Variants in CARM1 observed in about 807,000 individuals in gnomAD.
The protein encoded by CARM1 is histone-arginine methyltransferase CARM1.
In CARM1, 14 loss-of-function variants were observed where a neutral mutation model predicts 72.7. The observed-to-expected ratio is 0.19, with a 90% confidence interval of 0.13 to 0.30. The LOEUF is 0.30. CARM1 is among the 10% of genes least tolerant of loss of function. The pLI, the probability that CARM1 is intolerant of heterozygous loss-of-function variation, is 1.00. For missense variants in CARM1, 432 were observed against 833.7 expected, an observed-to-expected ratio of 0.52 and a Z score of 5.93; for synonymous variants, 333 against 345.5, an observed-to-expected ratio of 0.96 and a Z score of 0.40.
intron 1 of CARM1, among the ~76,000 whole-genome samples, chr19:10,883,296 G>T (rs1242242519): frequency 6.6e-6 from 1 of 152,124 alleles, no homozygotes; most frequent in East Asian, 1.9e-4. Flanking sequence ...GTCCAGGTGT[G>T]GGGGTAGGTA....
intron 2 of CARM1, among the ~76,000 whole-genome samples, chr19:10,907,227 G>A (rs2074112466): frequency 1.3e-5 from 2 of 151,944 alleles, no homozygotes; most frequent in African/African-American, 4.8e-5. Context: ...TGTAGAGACA[G>A]GGTCTTGCTA....
chr19:10,883,155 C>T (rs1264601730), intron 1 of CARM1, among the ~76,000 whole-genome samples: 4 of 152,174 alleles, frequency 2.6e-5, no homozygotes, highest in Admixed American at 6.5e-5. Context: ...TCCAGGGAAC[C>T]GTGGTTCTCC....
chr19:10,905,338 T>TG (rs1305190022), intron 2 of CARM1, among the ~76,000 whole-genome samples: 1 of 152,254 alleles, frequency 6.6e-6, no homozygotes, highest in Non-Finnish European at 1.5e-5. Flanking sequence ...AGGCCCATCC[T>TG]GACCACCTGG....
At chr19:10,899,163 G>A (rs1278445882) in intron 1 of CARM1, among the ~76,000 whole-genome samples, 1 of 151,732 alleles carries the variant, frequency 6.6e-6, no homozygotes, top group Non-Finnish European at 1.5e-5. Flanking sequence ...CTGCTGCTGT[G>A]ATGAAGCGAT....
chr19:10,899,033 GTTTTTTTTT>G (rs34563725), intron 1 of CARM1, among the ~76,000 whole-genome samples: 4 of 117,458 alleles, frequency 3.4e-5, no homozygotes, highest in African/African-American at 1.3e-4. Flanking sequence ...GGCTTAGCTT[GTTTTTTTTT>G]TTTTTTTTTT....
At chr19:10,890,959 G>A (rs2073983858) in intron 1 of CARM1, among the ~76,000 whole-genome samples, 1 of 151,652 alleles carries the variant, frequency 6.6e-6, no homozygotes, top group Admixed American at 6.6e-5. Context: ...GGGTGACAGA[G>A]GGAGACCAAA....
chr19:10,890,632 C>CAT (rs970946088), intron 1 of CARM1, among the ~76,000 whole-genome samples: 52 of 149,994 alleles, frequency 3.5e-4, no homozygotes, highest in Non-Finnish European at 7.4e-4. Flanking sequence ...GTTTTATTTA[C>CAT]ATATATATAT....
chr19:10,905,002 G>A lies in CARM1; in HGVS notation c.272G>A (p.Ser91Asn). Residue 91 changes from serine (S) to asparagine (N), a missense_variant, in exon 2 of 16, where the codon AGC becomes AAC. Coordinates refer to ENST00000327064, the MANE Select transcript of CARM1 (RefSeq NM_199141.2). The stretch of plus-strand genomic sequence containing the variant: ...TCAGTGTCCCGAGAGACAGAGTGCA[G>A]CCGTGTGGGCAAGCAGTCCTTCATC... Reference protein sequence around the residue: ...KCSVSRETECSRVGKQSFIIT... With the variant: ...KCSVSRETECNRVGKQSFIIT... 1 of 1,614,206 alleles carries A rather than the reference G, an allele frequency of 6.2e-7. No homozygotes were observed. Among genetic ancestry groups the A allele is most frequent in the Non-Finnish European group, 8.5e-7 (1 of 1,180,014 alleles).
At chr19:10,882,534 CTTTTTTTT>C (rs869046901) in intron 1 of CARM1, among the ~76,000 whole-genome samples, 43 of 85,966 alleles carry the variant, frequency 5.0e-4, no homozygotes, top group South Asian at 4.9e-4. Flanking sequence ...TGCACTCTGT[CTTTTTTTT>C]TTTTTTTTTT....
intron 1 of CARM1, among the ~76,000 whole-genome samples, chr19:10,890,270 T>TTTTTTTTTTTTTTTTG (rs1568348254): frequency 7.4e-6 from 1 of 135,622 alleles, no homozygotes; most frequent in Non-Finnish European, 1.6e-5. Flanking sequence ...GTTTTGTTTG[T>TTTTTTTTTTTTTTTTG]TTTTTTTTTT....
chr19:10,897,461 C>T (rs1247385750), intron 1 of CARM1, among the ~76,000 whole-genome samples: 2 of 152,154 alleles, frequency 1.3e-5, no homozygotes. Flanking sequence ...GAAAGGCTGC[C>T]TCAAAGATGG....
intron 1 of CARM1, among the ~76,000 whole-genome samples, chr19:10,892,199 T>C (rs779403185): frequency 1.3e-5 from 2 of 152,256 alleles, no homozygotes; most frequent in African/African-American, 4.8e-5. Flanking sequence ...TTTTCTGCTT[T>C]GGGGGCATTC....
chr19:10,921,552 G>C lies in CARM1; in HGVS notation c.1685-63G>C, dbSNP rs1386330837. ...TCTTGCCTGCCCTTTCTCTCTCTCT[G>C]TGACTCTGCCTGGGGGCTGGGCGGG... On this transcript the variant is annotated intron_variant, in intron 15 of 15. Transcript: ENST00000327064. The C allele has an allele frequency of 3.8e-6, 6 of 1,576,348 alleles. No homozygotes were observed. The Admixed American group carries it at 5.4e-5, about 14-fold the overall frequency.
chr19:10,910,792 T>C (rs986007631), intron 4 of CARM1, among the ~76,000 whole-genome samples: 2 of 151,916 alleles, frequency 1.3e-5, no homozygotes, highest in African/African-American at 2.4e-5. Flanking sequence ...TCTAGATCTC[T>C]TGACCTCATG....
intron 1 of CARM1, among the ~76,000 whole-genome samples, chr19:10,886,525 T>G (rs544246390): frequency 2.1e-4 from 32 of 151,498 alleles, no homozygotes; most frequent in African/African-American, 7.5e-4. Flanking sequence ...TTTATCTTTT[T>G]TTTTCTTTTT....
At chr19:10,911,234 A>G (rs1045933991) in intron 4 of CARM1, among the ~76,000 whole-genome samples, 2 of 151,858 alleles carry the variant, frequency 1.3e-5, no homozygotes, top group African/African-American at 4.8e-5. Context: ...TTTTTCCTCC[A>G]AGTATTTTGG....
intron 1 of CARM1, among the ~76,000 whole-genome samples, chr19:10,901,863 C>T (rs190433768): frequency 1.3e-5 from 2 of 151,906 alleles, no homozygotes; most frequent in African/African-American, 2.4e-5. Context: ...ATCGCTTGAA[C>T]GCAGCTACTC....
chr19:10,899,378 C>A (rs977329566), intron 1 of CARM1, among the ~76,000 whole-genome samples: 4 of 152,246 alleles, frequency 2.6e-5, no homozygotes, highest in African/African-American at 9.6e-5. Context: ...GTGTGGCTAA[C>A]AGATCGACAG....
intron 8 of CARM1, chr19:10,919,346 T>C (rs1272704408): frequency 6.0e-6 from 3 of 497,334 alleles, no homozygotes; most frequent in African/African-American, 5.8e-5. Context: ...TGTTCATGTA[T>C]CTGGAGGTTA....
Sources: allele counts gnomAD v4.1 joint callset (sites outside exome capture counted in the v4.1 genomes callset), GRCh38; gene constraint gnomAD v4.1.1; transcripts MANE v1.5; gene names NCBI Gene and HGNC (gene_info 2026-07-23, HGNC 2026-07-21).